ZNF676: variants seen among roughly 807,000 people sequenced by gnomAD.
ZNF676 encodes the protein zinc finger protein 676.
In ZNF676, 4 loss-of-function variants were observed where a neutral mutation model predicts 6.0. The observed-to-expected ratio is 0.67, with a 90% CI of 0.33 to 1.53. The LOEUF (loss-of-function observed/expected upper bound fraction) is 1.53, where lower values mean the gene tolerates loss of function less well. Ranked by LOEUF, ZNF676 falls within the 40% of genes most tolerant of loss-of-function variation. ZNF676 has a pLI of 0.06. For synonymous variants in ZNF676, 198 were observed against 223.1 expected, an observed-to-expected ratio of 0.89 and a Z score of 1.00; for missense variants, 644 against 679.7, an observed-to-expected ratio of 0.95 and a Z score of 0.58.
At chr19:22,238,708 C>A in the ZNF676 span, among the ~76,000 whole-genome samples, 1 of 152,120 alleles carries the variant, frequency 6.6e-6, no homozygotes, top group East Asian at 1.9e-4. Flanking sequence ...CACTAGATCT[C>A]ACAACAGGCC....
chr19:22,232,757 T>C, the ZNF676 span, among the ~76,000 whole-genome samples: 2 of 151,250 alleles, frequency 1.3e-5, no homozygotes, highest in East Asian at 1.9e-4. Context: ...GAAACAATAA[T>C]AGAAAAAAAA....
At chr19:22,182,252 C>G (rs965983241) in intron 2 of ZNF676, among the ~76,000 whole-genome samples, 4 of 152,048 alleles carry the variant, frequency 2.6e-5, no homozygotes, top group Non-Finnish European at 4.4e-5. Context: ...CACATAATCT[C>G]TAGCCAAGAC....
At chr19:22,225,085 A>G in the ZNF676 span, among the ~76,000 whole-genome samples, 19 of 152,160 alleles carry the variant, frequency 1.2e-4, no homozygotes, top group African/African-American at 4.6e-4. Flanking sequence ...TGTAAAACTA[A>G]TACTCAATAC....
chr19:22,183,657 A>G (rs770189261), intron 2 of ZNF676, among the ~76,000 whole-genome samples: 1 of 152,206 alleles, frequency 6.6e-6, no homozygotes, highest in Non-Finnish European at 1.5e-5. Context: ...AAAATTTTAA[A>G]TATCAAGATC....
At chr19:22,236,030 T>C in the ZNF676 span, among the ~76,000 whole-genome samples, 23 of 151,484 alleles carry the variant, frequency 1.5e-4, no homozygotes, top group African/African-American at 4.9e-4. Flanking sequence ...ATCTGTCTTC[T>C]GCCAAATGAA....
the ZNF676 span, among the ~76,000 whole-genome samples, chr19:22,242,837 C>G: frequency 7.0e-6 from 1 of 142,402 alleles, no homozygotes; most frequent in South Asian, 2.1e-4. Context: ...TTGCAATTAC[C>G]CAAGTTGGGG....
chr19:22,235,036 A>AAAG, the ZNF676 span, among the ~76,000 whole-genome samples: 1 of 149,078 alleles, frequency 6.7e-6, no homozygotes, highest in Non-Finnish European at 1.5e-5. Flanking sequence ...AAGAAAGAAA[A>AAAG]GAAAAGAAGG....
intron 2 of ZNF676, among the ~76,000 whole-genome samples, chr19:22,183,883 A>C (rs1265986617): frequency 6.6e-6 from 1 of 152,222 alleles, no homozygotes; most frequent in Non-Finnish European, 1.5e-5. Flanking sequence ...ATTAAAAAAT[A>C]ATAGATTAAC....
chr19:22,213,898 A>G (rs2024157679), intron 1 of ZNF676, among the ~76,000 whole-genome samples: 1 of 152,238 alleles, frequency 6.6e-6, no homozygotes. Flanking sequence ...ACGTCTCCCT[A>G]TAACTTTTCC....
chr19:22,228,854 G>C, the ZNF676 span, among the ~76,000 whole-genome samples: 1 of 152,148 alleles, frequency 6.6e-6, no homozygotes, highest in East Asian at 1.9e-4. Context: ...TGAAATAGAA[G>C]AGGACACAAA....
At position 22,188,235 on chromosome 19, in the gene ZNF676, C is replaced by T. The variant is rs368836707; in HGVS notation, c.130+4781G>A. ...ACACAAATCAATAAATGTAATCTAT[C>T]ACATAAACAGAACCAAAGACAAAAA... On this transcript the variant is annotated intron_variant, in intron 2 of 2. Transcript: ENST00000397121. Among the ~76,000 whole-genome samples the T allele has an allele frequency of 5.9e-5, 9 of 152,178 alleles. No homozygotes were observed. The East Asian group carries it at 1.5e-3, about 26-fold the overall frequency.
the ZNF676 span, among the ~76,000 whole-genome samples, chr19:22,235,283 C>G: frequency 6.6e-6 from 1 of 152,148 alleles, no homozygotes; most frequent in African/African-American, 2.4e-5. Context: ...GGTAATATGG[C>G]CCAAGTGGCA....
At chr19:22,181,806 C>T (rs2023757919) in intron 2 of ZNF676, among the ~76,000 whole-genome samples, 1 of 152,044 alleles carries the variant, frequency 6.6e-6, no homozygotes, top group African/African-American at 2.4e-5. Flanking sequence ...TGCATTTCCT[C>T]AATTAAGCCC....
At chr19:22,227,308 C>G in the ZNF676 span, among the ~76,000 whole-genome samples, 3 of 152,224 alleles carry the variant, frequency 2.0e-5, no homozygotes, top group East Asian at 5.8e-4. Context: ...TTCTTTGAAA[C>G]CAATAAGAAT....
chr19:22,182,609 A>AG (rs55909764), intron 2 of ZNF676, among the ~76,000 whole-genome samples: 1 of 84,038 alleles, frequency 1.2e-5, no homozygotes, highest in South Asian at 7.0e-4. Flanking sequence ...AAAAGCAAAC[A>AG]AAAAAAAGAA....
At chr19:22,259,777 GAGA>G in the ZNF676 span, 1 of 152,218 alleles carries the variant, frequency 6.6e-6, no homozygotes, top group Non-Finnish European at 1.5e-5. Flanking sequence ...AATGTTTTCT[GAGA>G]AGAAGGTCAA....
At chr19:22,215,040 C>CAAAAAAAAAAAAAA (rs1159376851) in intron 1 of ZNF676, among the ~76,000 whole-genome samples, 1 of 51,438 alleles carries the variant, frequency 1.9e-5, no homozygotes, top group Non-Finnish European at 3.6e-5. Flanking sequence ...GACTCCATCT[C>CAAAAAAAAAAAAAA]AAAAAAAAAA....
chr19:22,191,391 T>A (rs182780007), intron 2 of ZNF676, among the ~76,000 whole-genome samples: 20 of 152,198 alleles, frequency 1.3e-4, no homozygotes, highest in African/African-American at 4.1e-4. Flanking sequence ...CTGTGAGAGG[T>A]CTTGGTCCTC....
rs386807910 is a variant in ZNF676, at chr19:22,215,060, ACAAC to A, written c.3+568_3+571del. Among the ~76,000 whole-genome samples, 258 of 96,046 alleles carry A rather than the reference ACAAC, an allele frequency of 2.7e-3. 7 individuals carry two copies. The highest frequency in any genetic ancestry group is 0.012 in the African/African-American group (239 of 20,496). 63.0% of individuals were successfully genotyped at this position (96,046 alleles called of 152,430 possible). On this transcript the variant is annotated intron_variant, in intron 1 of 3. Coordinates refer to the ZNF676 transcript ENST00000650058. ...CATCTCAAAAAAAAAAAAAAAAAAA[ACAAC>A]AAAAAACCAGGAAACTACATAACTG...
Sources: allele counts gnomAD v4.1 joint callset (sites outside exome capture counted in the v4.1 genomes callset), GRCh38; gene constraint gnomAD v4.1.1; transcripts MANE v1.5; gene names NCBI Gene and HGNC (gene_info 2026-07-23, HGNC 2026-07-21).